Variants in LIMK2 observed in about 807,000 individuals in gnomAD.
LIMK2 encodes LIM domain kinase 2.
In LIMK2, 35 loss-of-function variants were observed where a neutral mutation model predicts 75.7. The observed-to-expected ratio is 0.46, with a 90% CI of 0.35 to 0.61. The LOEUF (loss-of-function observed/expected upper bound fraction) is 0.61. Ranked by LOEUF, LIMK2 falls within the 20% of genes least tolerant of loss-of-function variation. The pLI is 0.00. For synonymous variants in LIMK2, 301 were observed against 319.2 expected, an observed-to-expected ratio of 0.94 and a Z score of 0.61; for missense variants, 623 against 831.0, an observed-to-expected ratio of 0.75 and a Z score of 3.08.
At chr22:31,234,880 C>T (rs1474496432) in intron 2 of LIMK2, among the ~76,000 whole-genome samples, 1 of 152,096 alleles carries the variant, frequency 6.6e-6, no homozygotes, top group East Asian at 1.9e-4. Context: ...GTTCATTCTG[C>T]TCCCTCTGCC....
At chr22:31,259,062 AAC>A in intron 3 of LIMK2, 57 bp from the exon 4 acceptor site, 4 of 993,650 alleles carry the variant, frequency 4.0e-6, no homozygotes, top group Non-Finnish European at 4.8e-6. Flanking sequence ...TCACTCCAGC[AAC>A]AGTGATAACT....
At chr22:31,273,394 C>T in intron 13 of LIMK2, 58 bp from the exon 14 acceptor site, 1 of 1,472,962 alleles carries the variant, frequency 6.8e-7, no homozygotes, top group Non-Finnish European at 9.5e-7. Context: ...ACCCTAGACC[C>T]AGTGCAGAGC....
chr22:31,271,069 C>G (rs1040794395), intron 11 of LIMK2, 67 bp from the exon 12 acceptor site: 1 of 1,451,790 alleles, frequency 6.9e-7, no homozygotes, highest in Non-Finnish European at 9.7e-7. Flanking sequence ...TCTATGGCGC[C>G]CAATTCCAGA....
At chr22:31,224,661 C>T (rs1230638483) in intron 1 of LIMK2, among the ~76,000 whole-genome samples, 1 of 152,214 alleles carries the variant, frequency 6.6e-6, no homozygotes, top group African/African-American at 2.4e-5. Flanking sequence ...AATATTTGTT[C>T]TTCCCCTTTT....
intron 2 of LIMK2, among the ~76,000 whole-genome samples, chr22:31,243,524 G>A (rs1346962370): frequency 1.3e-5 from 2 of 152,180 alleles, no homozygotes; most frequent in Non-Finnish European, 2.9e-5. Flanking sequence ...GGGGCTGCCG[G>A]TTATGAAGGC....
intron 2 of LIMK2, among the ~76,000 whole-genome samples, chr22:31,255,639 T>C (rs1484848879): frequency 6.6e-6 from 1 of 152,220 alleles, no homozygotes; most frequent in African/African-American, 2.4e-5. Context: ...TCACCTTGCA[T>C]TGTTGAGTTT....
chr22:31,277,716 C>T, intron 15 of LIMK2: 1 of 182,300 alleles, frequency 5.5e-6, no homozygotes, highest in Non-Finnish European at 1.0e-5. Context: ...TGCTTACCCT[C>T]ATAGAACATA....
rs572878229 is a variant in LIMK2, at chr22:31,276,726, G to GCGGCCC, written c.1772+1432_1772+1437dup. 199 of 1,460,648 alleles carry GCGGCCC rather than the reference G, an allele frequency of 1.4e-4. 1 individual carries two copies. The highest frequency in any genetic ancestry group is 9.3e-4 in the South Asian group (67 of 72,312). The allele number at this position is 1,460,648 out of a possible 1,614,324, so 90.5% of individuals were successfully genotyped here. A position where few individuals can be genotyped will look rare whatever the true frequency, so the allele number is the denominator to read the frequency against. On this transcript the variant is annotated intron_variant, in intron 15 of 15. Transcript: ENST00000331728. ...CGGCACCGCGGGGGGCGCGGCGTTG[G>GCGGCCC]CGGCCCCGGCCCCGGCCCCCAGGCC...
Position 31,224,300 on chromosome 22 carries a change from C to G in LIMK2, c.17-1420C>G, listed in dbSNP as rs1464646395. On this transcript the variant is annotated intron_variant, in intron 1 of 15. Coordinates refer to ENST00000331728, the MANE Select transcript of LIMK2 (RefSeq NM_005569.4). Reference sequence around the variant, plus strand: ...ATGCTGGTCTCTGAGCTCACACAACCCTTCACCCTCCTTTCTCAGCCAGTG... The same window carrying G: ...ATGCTGGTCTCTGAGCTCACACAACGCTTCACCCTCCTTTCTCAGCCAGTG... 2.0e-5 allele frequency among the ~76,000 whole-genome samples: 3 copies of G among 152,202 alleles called. 1 individual carries two copies. Among genetic ancestry groups the G allele is most frequent in the Admixed American group, 2.0e-4 (3 of 15,276 alleles).
intron 2 of LIMK2, among the ~76,000 whole-genome samples, chr22:31,250,080 G>A (rs538914676): frequency 1.3e-5 from 2 of 152,088 alleles, no homozygotes; most frequent in Non-Finnish European, 2.9e-5. Flanking sequence ...AAATTCTCAG[G>A]TTTGTTTTCC....
Position 31,237,389 on chromosome 22 carries a change from C to G in LIMK2, c.116+11570C>G, listed in dbSNP as rs560298555. On this transcript the variant is annotated intron_variant, in intron 2 of 15. Coordinates refer to ENST00000331728, the MANE Select transcript of LIMK2 (RefSeq NM_005569.4). ...GACCAGCCTGGCCAACATGGTGAAA[C>G]CTTGTCTCTACTAAAATTACAAAAA... Among the ~76,000 whole-genome samples the G allele has an allele frequency of 1.6e-4, 24 of 151,420 alleles. No individual in the cohort carries two copies. The South Asian group carries it at 1.7e-3, about 11-fold the overall frequency.
At chr22:31,270,153 GGGA>G (rs1263599954) in intron 11 of LIMK2, among the ~76,000 whole-genome samples, 1 of 152,172 alleles carries the variant, frequency 6.6e-6, no homozygotes, top group African/African-American at 2.4e-5. Flanking sequence ...GACTGGCTTA[GGGA>G]GAGGCTGCTA....
chr22:31,253,870 G>T (rs764926214), intron 2 of LIMK2, among the ~76,000 whole-genome samples: 13 of 152,240 alleles, frequency 8.5e-5, no homozygotes, highest in Non-Finnish European at 1.8e-4. Flanking sequence ...AATAGTAGCT[G>T]TTAATTGATA....
At chr22:31,263,630 A>C (rs2048862798) in intron 7 of LIMK2, among the ~76,000 whole-genome samples, 1 of 151,992 alleles carries the variant, frequency 6.6e-6, no homozygotes, top group Non-Finnish European at 1.5e-5. Context: ...GCTTGAACAC[A>C]GGAGTTTGAG....
Position 31,246,189 on chromosome 22 carries a change from A to G in LIMK2, c.117-12102A>G, listed in dbSNP as rs866566721. ...CTCCGACACACGCACGCACGCACAC[A>G]CACACACACACACACACACACACAC... is the stretch of plus-strand genomic sequence containing the variant. On this transcript the variant is annotated intron_variant, in intron 2 of 15. Coordinates refer to ENST00000331728, the MANE Select transcript of LIMK2 (RefSeq NM_005569.4). Among the ~76,000 whole-genome samples, 726 of 136,072 alleles carry G rather than the reference A, an allele frequency of 5.3e-3. 5 individuals are homozygous for G. The highest frequency in any genetic ancestry group is 0.012 in the South Asian group (51 of 4,246). The allele number at this position is 136,072 out of a possible 152,430, so 89.3% of individuals were successfully genotyped here.
At chr22:31,213,768 G>T (rs542509235) in intron 1 of LIMK2, among the ~76,000 whole-genome samples, 1 of 151,248 alleles carries the variant, frequency 6.6e-6, no homozygotes, top group East Asian at 1.9e-4. Flanking sequence ...TCTTAAAAAA[G>T]ATTTTTTTTA....
chr22:31,254,746 G>GTC (rs1341171100), intron 2 of LIMK2, among the ~76,000 whole-genome samples: 3 of 152,164 alleles, frequency 2.0e-5, no homozygotes, highest in Non-Finnish European at 1.5e-5. Context: ...ATCACTTGAG[G>GTC]TCGGGAGTTC....
At chr22:31,213,251 A>T (rs956827322) in intron 1 of LIMK2, among the ~76,000 whole-genome samples, 1 of 151,494 alleles carries the variant, frequency 6.6e-6, no homozygotes, top group African/African-American at 2.4e-5. Context: ...ACCTGCAGTC[A>T]CCTCCCCGCC....
At position 31,212,313 on chromosome 22, in the gene LIMK2, AGGC is replaced by A; in HGVS notation, c.-86_-84del. The A allele has an allele frequency of 3.2e-6, 4 of 1,246,238 alleles. No individual in the cohort carries two copies. The highest frequency in any genetic ancestry group is 3.1e-6 in the Non-Finnish European group (3 of 972,226). 77.2% of individuals were successfully genotyped at this position (1,246,238 alleles called of 1,614,324 possible). On this transcript the variant is annotated 5_prime_UTR_variant, in exon 1 of 16. Transcript: ENST00000331728. ...TGGGGCTGTGGTCTTCCCGCGCCTG[AGGC>A]GGCGGCGGCAGGAGCTGAGGGGAGT...
Sources: gnomAD v4.1 joint callset for allele counts (sites outside exome capture counted in the v4.1 genomes callset) on GRCh38, gnomAD v4.1.1 for gene constraint, MANE v1.5 for transcripts, NCBI Gene and HGNC (gene_info 2026-07-23, HGNC 2026-07-21) for gene names.